Variants in PCSK6 observed in about 807,000 individuals in gnomAD.
The protein encoded by PCSK6 is paired basic amino acid cleaving enzyme 4.
Under a neutral mutation model 123.3 loss-of-function variants are expected in PCSK6, and 85 were observed. The observed-to-expected ratio is 0.69, with a 90% CI of 0.58 to 0.83. The LOEUF is 0.83. Ranked by LOEUF, PCSK6 falls within the 40% of genes least tolerant of loss-of-function variation. The probability of loss-of-function intolerance (pLI) is 0.00; values close to 1 mark genes in which losing one functional copy is unlikely to be tolerated. For synonymous variants in PCSK6, 508 were observed against 516.0 expected, an observed-to-expected ratio of 0.98 and a Z score of 0.21; for missense variants, 1,191 against 1,282.3, an observed-to-expected ratio of 0.93 and a Z score of 1.09.
intron 13 of PCSK6, chr15:101,347,514 A>C (rs2040766445): frequency 7.4e-7 from 1 of 1,346,116 alleles, no homozygotes; most frequent in East Asian, 2.6e-5. Flanking sequence ...GAACTGGTTA[A>C]AATTATGTAA....
chr15:101,402,912 C>T (rs974153956), intron 6 of PCSK6, among the ~76,000 whole-genome samples: 2 of 152,172 alleles, frequency 1.3e-5, no homozygotes, highest in African/African-American at 2.4e-5. Context: ...CCAGCCATCC[C>T]ATTACTGGGT....
rs141183325 is a variant in PCSK6, at chr15:101,326,537, T to A, written c.2078-58A>T. On this transcript the variant is annotated intron_variant, in intron 15 of 21. Transcript: ENST00000611716. ...GAGACGCCTTCTCCATCTACTGCAGTCCCGCGGATCCCTGTGTCAGGATAT... is the reference window on the plus strand; with the variant it reads ...GAGACGCCTTCTCCATCTACTGCAGACCCGCGGATCCCTGTGTCAGGATAT... 32 of 1,354,250 alleles carry A rather than the reference T, an allele frequency of 2.4e-5. No homozygotes were observed. In the African/African-American group the frequency reaches 3.6e-4, roughly 15 times the overall value. The allele number at this position is 1,354,250 out of a possible 1,614,324, so 83.9% of individuals were successfully genotyped here.
chr15:101,313,765 G>T, intron 19 of PCSK6: 1 of 420,256 alleles, frequency 2.4e-6, no homozygotes, highest in South Asian at 3.7e-5. Flanking sequence ...CACTGGCCGT[G>T]CCACGATGAT....
chr15:101,429,058 G>A (rs2643351), intron 5 of PCSK6, among the ~76,000 whole-genome samples: 2,133 of 152,294 alleles, frequency 0.014, 53 homozygotes, highest in African/African-American at 0.049. Flanking sequence ...CATTGCCTGC[G>A]CACCCGTTTG....
Position 101,305,138 on chromosome 15 carries a change from G to T in PCSK6, c.*120C>A. On this transcript the variant is annotated 3_prime_UTR_variant, in exon 22 of 22. Transcript: ENST00000611716. The surrounding 1 kb of genome is among the most constrained non-coding windows in gnomAD (Gnocchi z 4.8). ...GGGTGCTCAGAGATGCTGCTCCTGG[G>T]GAGATAAAGCTGTCAGGTGCAGGGC... 1.3e-6 allele frequency: 1 copy of T among 798,760 alleles called. No homozygotes were observed. The allele number at this position is 798,760 out of a possible 1,614,324, so 49.5% of individuals were successfully genotyped here.
intron 7 of PCSK6, among the ~76,000 whole-genome samples, chr15:101,394,583 C>T (rs901007724): frequency 5.3e-5 from 8 of 152,168 alleles, no homozygotes; most frequent in East Asian, 3.8e-4. Context: ...TACTAAGGAC[C>T]GTCCTTCCCA....
chr15:101,439,270 G>T (rs929376511), intron 2 of PCSK6, among the ~76,000 whole-genome samples: 1 of 152,242 alleles, frequency 6.6e-6, no homozygotes, highest in Non-Finnish European at 1.5e-5. Context: ...CAGTGAGCTG[G>T]GTTTGGGACA....
chr15:101,402,695 G>A (rs933758612), intron 6 of PCSK6, among the ~76,000 whole-genome samples: 1 of 152,200 alleles, frequency 6.6e-6, no homozygotes, highest in African/African-American at 2.4e-5. Flanking sequence ...GGTCATCAGA[G>A]AAATCCAAAA....
intron 13 of PCSK6, among the ~76,000 whole-genome samples, chr15:101,356,637 G>A (rs36005586): frequency 0.055 from 8,328 of 151,646 alleles, 323 homozygotes; most frequent in East Asian, 0.22. Context: ...CCGAGATTGC[G>A]CCGTTGCACT....
chr15:101,487,868 G>C (rs2058055160), intron 1 of PCSK6, among the ~76,000 whole-genome samples: 1 of 152,100 alleles, frequency 6.6e-6, no homozygotes, highest in African/African-American at 2.4e-5. Context: ...GGAGGGCCTT[G>C]AGTGGTTAAA....
chr15:101,339,676 G>A (rs557978582), intron 13 of PCSK6, among the ~76,000 whole-genome samples: 1 of 152,242 alleles, frequency 6.6e-6, no homozygotes, highest in African/African-American at 2.4e-5. Flanking sequence ...GGAGGCTGAT[G>A]TGGGAGGATC....
intron 2 of PCSK6, among the ~76,000 whole-genome samples, chr15:101,438,276 G>A (rs550893998): frequency 6.6e-6 from 1 of 152,334 alleles, no homozygotes; most frequent in African/African-American, 2.4e-5. Flanking sequence ...AGCAATACAG[G>A]ATACAGCTTT....
chr15:101,474,571 G>T (rs149059898), intron 1 of PCSK6, among the ~76,000 whole-genome samples: 1 of 152,272 alleles, frequency 6.6e-6, no homozygotes, highest in Non-Finnish European at 1.5e-5. Context: ...GGATTGCTGA[G>T]GCCTTCACAC....
rs374169788 is a variant in PCSK6, at chr15:101,317,989, C to T, written c.2569+330G>A. On this transcript the variant is annotated intron_variant, in intron 19 of 21. Coordinates refer to ENST00000611716, the MANE Select transcript of PCSK6 (RefSeq NM_002570.5). ...CTGGGGTTATAGGCATGAGCCACTG[C>T]AATGTACATAAAATCTACCATCTCA... is the stretch of plus-strand genomic sequence containing the variant. Among the ~76,000 whole-genome samples, 17 of 152,320 alleles carry T rather than the reference C, an allele frequency of 1.1e-4. No individual in the cohort carries two copies. The East Asian group carries it at 1.3e-3, about 12-fold the overall frequency.
At chr15:101,327,617 A>G (rs1326657442) in intron 15 of PCSK6, among the ~76,000 whole-genome samples, 1 of 152,224 alleles carries the variant, frequency 6.6e-6, no homozygotes, top group Non-Finnish European at 1.5e-5. Flanking sequence ...AGTAAAGACT[A>G]GTGAGTTGCT....
intron 1 of PCSK6, among the ~76,000 whole-genome samples, chr15:101,475,824 A>C (rs1189359607): frequency 6.6e-6 from 1 of 152,142 alleles, no homozygotes; most frequent in East Asian, 1.9e-4. Context: ...ATGAGGGAAA[A>C]GAAGCATATT....
intron 1 of PCSK6, among the ~76,000 whole-genome samples, chr15:101,488,897 G>A (rs1396271749): frequency 1.3e-5 from 2 of 150,426 alleles, no homozygotes; most frequent in Admixed American, 6.6e-5. Context: ...CCGCCTTGGC[G>A]CGCGCACCGG....
intron 13 of PCSK6, among the ~76,000 whole-genome samples, chr15:101,363,387 C>A (rs2041291459): frequency 6.6e-6 from 1 of 152,222 alleles, no homozygotes; most frequent in Non-Finnish European, 1.5e-5. Flanking sequence ...TGCTCTCCTG[C>A]ATACAGCACC....
intron 1 of PCSK6, among the ~76,000 whole-genome samples, chr15:101,469,201 C>T (rs2057541504): frequency 6.6e-6 from 1 of 152,162 alleles, no homozygotes; most frequent in Non-Finnish European, 1.5e-5. Flanking sequence ...AACTCCTGCT[C>T]ATTTAATTAA....
Sources: gnomAD v4.1 joint callset for allele counts (sites outside exome capture counted in the v4.1 genomes callset) on GRCh38, gnomAD v4.1.1 for gene constraint, Gnocchi (gnomAD v3.1) non-coding constraint, MANE v1.5 for transcripts, NCBI Gene and HGNC (gene_info 2026-07-23, HGNC 2026-07-21) for gene names.